The following BAIAP3 variants were observed in gnomAD, a reference collection of about 807,000 sequenced individuals.
The protein encoded by BAIAP3 is BAI1-associated protein 3.
In BAIAP3, 180 loss-of-function variants were observed where a neutral mutation model predicts 149.7. The ratio of observed to expected loss-of-function variants is 1.20; its 90% CI spans 1.07 to 1.36. BAIAP3 has a LOEUF of 1.36. Ranked by LOEUF, BAIAP3 falls within the 40% of genes most tolerant of loss-of-function variation. The pLI is 0.00. For missense variants in BAIAP3, 1,767 were observed against 1,563.4 expected (o/e 1.13, Z -2.20); for synonymous variants, 845 against 670.7 (o/e 1.26, Z -4.02).
rs372842966 is a variant in BAIAP3, at chr16:1,342,467, A to G, written c.958-60A>G. On this transcript the variant is annotated intron_variant, in intron 11 of 33. Transcript: ENST00000426824. The stretch of plus-strand genomic sequence containing the variant: ...ATGTGGTCTCTCCAGGGTCTCACAG[A>G]GTCAGTGTGGAAGGGGAGGGGGAGG... The G allele has an allele frequency of 1.0e-5, 15 of 1,477,458 alleles. No individual in the cohort carries two copies. In the African/African-American group the frequency reaches 1.3e-4, roughly 12 times the overall value. The allele number at this position is 1,477,458 out of a possible 1,614,324, so 91.5% of individuals were successfully genotyped here.
At chr16:1,339,441 C>A in intron 4 of BAIAP3, 55 bp from the exon 5 acceptor site, 2 of 1,550,352 alleles carry the variant, frequency 1.3e-6, no homozygotes, top group Non-Finnish European at 1.8e-6. Flanking sequence ...GGAGGTGCTG[C>A]TGAGGGCTGG....
Position 1,346,500 on chromosome 16 carries a change from A to C in BAIAP3, c.2552A>C (p.Gln851Pro), listed in dbSNP as rs569395511. ...ATCAGTCTCTCGCCTGACTCCATCC[A>C]GAACGATGAGGTGAGTGCCGGGGCG... ...QHISLSPDSI[Q>P]NDEAVAPLMK... Residue 851 changes from glutamine (Q) to proline (P), a missense_variant, in exon 26 of 34, where the codon CAG becomes CCG. By Grantham distance (76) the Gln-to-Pro change is moderately conservative. Coordinates refer to ENST00000426824, the MANE Select transcript of BAIAP3 (RefSeq NM_001199097.2). 2 of 1,611,274 alleles carry C rather than the reference A, an allele frequency of 1.2e-6. No individual in the cohort carries two copies. The highest frequency in any genetic ancestry group is 2.2e-5 in the East Asian group (1 of 44,824).
rs1229091042 is a variant in BAIAP3 at position 1,345,362 on chromosome 16, A to G, written c.2054A>G (p.Asp685Gly). 4 of 1,612,060 alleles carry G rather than the reference A, an allele frequency of 2.5e-6. No individual in the cohort carries two copies. Among genetic ancestry groups the G allele is most frequent in the Non-Finnish European group, 1.7e-6 (2 of 1,179,572 alleles). The change falls in exon 22 of 34, where the codon GAC (aspartate) becomes GGC (glycine). Residue 685 changes from aspartate to glycine, a missense_variant. By Grantham distance (94) the Asp-to-Gly change is moderately conservative (BLOSUM62 -1). Transcript: ENST00000426824. ...AAGTGGAGGCTTCAGGGAGCCGTGG[A>G]CATGGACACGGTGACAGCTGCCCTG... is the stretch of plus-strand genomic sequence containing the variant. ...QAKWRLQGAV[D>G]MDTLEPVDAS...
chr16:1,334,311 G>A (rs539929882), intron 1 of BAIAP3, among the ~76,000 whole-genome samples: 1 of 152,150 alleles, frequency 6.6e-6, no homozygotes, highest in African/African-American at 2.4e-5. Context: ...CGGGGTCTCC[G>A]GGGGAGGAGT....
chr16:1,339,876 C>T (rs1596565571), intron 5 of BAIAP3, among the ~76,000 whole-genome samples: 1 of 144,898 alleles, frequency 6.9e-6, no homozygotes, highest in Non-Finnish European at 1.5e-5. Context: ...CACACAGACA[C>T]ACGCACACAG....
At chr16:1,334,439 AAG>A in intron 1 of BAIAP3, 1 of 527,548 alleles carries the variant, frequency 1.9e-6, no homozygotes, top group Non-Finnish European at 3.4e-6. Flanking sequence ...GGCCCCGGGA[AAG>A]GGGGTGCCGC....
At position 1,348,812 on chromosome 16, in the gene BAIAP3, CGGTGG is replaced by C; in HGVS notation, c.*332_*336del. 2.1e-6 allele frequency: 1 copy of C among 471,130 alleles called. No homozygotes were observed. Among genetic ancestry groups the C allele is most frequent in the South Asian group, 2.6e-5 (1 of 38,806 alleles). The allele number at this position is 471,130 out of a possible 1,614,324, so 29.2% of individuals were successfully genotyped here. ...CTTGGGCTCCCCGGCCCTGGGTGGG[CGGTGG>C]GCAGCTGGTCTCCAGGGACTCAGTG... On this transcript the variant is annotated 3_prime_UTR_variant, in exon 34 of 34. Transcript: ENST00000426824.
In BAIAP3 at chr16:1,347,354, G is replaced by A. The variant is rs754480280; in HGVS notation, c.2808G>A (p.Arg936=). The change falls in exon 29 of 34, where the codon AGG becomes AGA. Residue 936 remains arginine (R), a synonymous_variant. Transcript: ENST00000426824. ...AGGGTTTGCCCCTGGAGAGCCTGAG[G>A]GATGGAAGCTACAAGGTGAGGTGGG... is the stretch of plus-strand genomic sequence containing the variant. ...EGQGLPLESL[R]DGSYKRLKEE... 5.6e-6 allele frequency: 9 copies of A among 1,613,592 alleles called. 1 individual carries two copies. Among genetic ancestry groups the A allele is most frequent in the South Asian group, 3.3e-5 (3 of 91,070 alleles).
At chr16:1,341,520 G>A (rs371797239) in intron 8 of BAIAP3, 31 bp downstream of exon 8, 2 of 1,588,456 alleles carry the variant, frequency 1.3e-6, no homozygotes, top group African/African-American at 1.3e-5. Context: ...GGTGCGGGAG[G>A]GGGGCTCTGC....
Position 1,342,946 on chromosome 16 carries a change from A to G in BAIAP3, c.1195A>G (p.Thr399Ala), listed in dbSNP as rs766519707. ...NSSSWRGELSTPAATILCLHG... is the reference protein window; with the variant it reads ...NSSSWRGELSAPAATILCLHG... The stretch of plus-strand genomic sequence containing the variant: ...CAGCAGCTGGCGAGGAGAGCTCAGC[A>G]CACCAGCCGCCACCATCCTCTGCCT... Residue 399 changes from threonine (T) to alanine (A), a missense_variant, in exon 14 of 34, where the codon ACA becomes GCA. Coordinates refer to ENST00000426824, the MANE Select transcript of BAIAP3 (RefSeq NM_001199097.2). The G allele has an allele frequency of 5.9e-5, 95 of 1,612,054 alleles. No homozygotes were observed. The highest frequency in any genetic ancestry group is 1.7e-6 in the Non-Finnish European group (2 of 1,179,992).
In BAIAP3 at chr16:1,344,605, G is replaced by A. The variant is rs74710678; in HGVS notation, c.1664G>A (p.Gly555Glu). 2 of 1,612,988 alleles carry A rather than the reference G, an allele frequency of 1.2e-6. No individual in the cohort carries two copies. Among genetic ancestry groups the A allele is most frequent in the East Asian group, 2.2e-5 (1 of 44,886 alleles). Residue 555 changes from glycine to glutamate, a missense_variant, in exon 19 of 34, where the codon GGA becomes GAA. By Grantham distance (98) the Gly-to-Glu change is moderately conservative. Coordinates refer to ENST00000426824, the MANE Select transcript of BAIAP3 (RefSeq NM_001199097.2). ...LNDKSPREQP[G>E]PQRLPGLVVL... ...ACGAGCTAGGCTTCCTTGCAGCCAG[G>A]ACCACAGCGCCTGCCTGGGCTGGTT... is the stretch of plus-strand genomic sequence containing the variant.
Position 1,341,372 on chromosome 16 carries a change from AG to A in BAIAP3, c.615del (p.Gln205HisfsTer25). ...CGGGAGCCCCGTGCACAGAAGGAGC[AG>A]CGCTTCGGCTTCCGCAAGGGCAGCA... Reference protein sequence around the residue: ...ATREPRAQKEQRFGFRKGSKR... With the variant: ...ATREPRAQKEXRFGFRKGSKR... On this transcript the variant is annotated frameshift_variant, in exon 8 of 34. Coordinates refer to ENST00000426824, the MANE Select transcript of BAIAP3 (RefSeq NM_001199097.2). LOFTEE classifies it high-confidence loss of function. The A allele has an allele frequency of 6.2e-7, 1 of 1,612,526 alleles. No individual in the cohort carries two copies. The highest frequency in any genetic ancestry group is 1.3e-5 in the African/African-American group (1 of 75,072).
In BAIAP3 at chr16:1,343,427, T is replaced by A; in HGVS notation, c.1300T>A (p.Cys434Ser). ...WQVSSRHHQT[C>S]TLDYSYLLGL... ...GGTCAGCAGCCGCCACCATCAAACC[T>A]GCACGCTGGACTACAGCTACCTGCT... The change falls in exon 15 of 34, where the codon TGC becomes AGC. Residue 434 changes from cysteine to serine, a missense_variant. Physicochemically the swap from Cys to Ser is moderately radical, Grantham distance 112 (BLOSUM62 -1). Transcript: ENST00000426824. The A allele has an allele frequency of 6.3e-7, 1 of 1,577,640 alleles. No homozygotes were observed. Among genetic ancestry groups the A allele is most frequent in the Non-Finnish European group, 8.6e-7 (1 of 1,163,772 alleles).
In BAIAP3 at chr16:1,347,793, C is replaced by T. The variant is rs1383456741; in HGVS notation, c.2997C>T (p.Ala999=). ...GGCTGGCCGTGGAGGTGCTGCACGC[C>T]GCGGACCTGCTCCCCCTGGACGCCA... The part of the protein sequence containing the change: ...EQRLAVEVLH[A]ADLLPLDANG... Residue 999 remains alanine, a synonymous_variant, in exon 31 of 34, where the codon GCC becomes GCT. Transcript: ENST00000426824. 3.1e-6 allele frequency: 5 copies of T among 1,607,436 alleles called. No homozygotes were observed. Among genetic ancestry groups the T allele is most frequent in the Admixed American group, 1.7e-5 (1 of 59,842 alleles).
chr16:1,339,248 A>C lies in BAIAP3; in HGVS notation c.300+4A>C. On this transcript the variant is annotated splice_donor_region_variant and intron_variant, in intron 4 of 33. Transcript: ENST00000426824. The stretch of plus-strand genomic sequence containing the variant: ...GAGAGCCCTGGCCCCAGAGGAGGTA[A>C]AGGTGGGGGTCGGAACCAGGGGCAG... 1 of 1,561,040 alleles carries C rather than the reference A, an allele frequency of 6.4e-7. No homozygotes were observed.
chr16:1,343,221 C>T (rs567824947), intron 14 of BAIAP3, 172 bp from the exon 15 acceptor site: 40 of 1,159,540 alleles, frequency 3.4e-5, no homozygotes, highest in Non-Finnish European at 4.3e-5. Context: ...GGGGCGGTGC[C>T]ATGAGTAGGT....
Position 1,346,235 on chromosome 16 carries a change from G to T in BAIAP3, c.2367G>T (p.Leu789=). The change falls in exon 25 of 34, where the codon CTG becomes CTT. Residue 789 remains leucine (L), a synonymous_variant. Transcript: ENST00000426824. ...RKAAGQALKG[L]AWPEGATGPE... is the part of the protein sequence containing the mutation. Reference sequence around the variant, plus strand: ...CTGCTGGGCAGGCCTTGAAGGGCCTGGCATGGCCAGAGGGGGCCACGGGGC... The same window carrying T: ...CTGCTGGGCAGGCCTTGAAGGGCCTTGCATGGCCAGAGGGGGCCACGGGGC... 6.2e-7 allele frequency: 1 copy of T among 1,612,164 alleles called. No homozygotes were observed. The highest frequency in any genetic ancestry group is 8.5e-7 in the Non-Finnish European group (1 of 1,179,666).
At chr16:1,347,496 G>C in intron 29 of BAIAP3, 49 bp from the exon 30 acceptor site, 1 of 1,549,394 alleles carries the variant, frequency 6.5e-7, no homozygotes, top group East Asian at 2.4e-5. Flanking sequence ...AAGTGCCAGC[G>C]CTGACCACCA....
At chr16:1,338,747 C>T (rs544297994) in intron 2 of BAIAP3, 67 bp downstream of exon 2, 11 of 1,560,760 alleles carry the variant, frequency 7.0e-6, no homozygotes, top group African/African-American at 6.8e-5. Context: ...CACACATGGC[C>T]GCCCCTGCCC....
Sources: gnomAD v4.1 joint callset for allele counts (sites outside exome capture counted in the v4.1 genomes callset) on GRCh38, gnomAD v4.1.1 for gene constraint, MANE v1.5 for transcripts, NCBI Gene and HGNC (gene_info 2026-07-23, HGNC 2026-07-21) for gene names.